Variants in UBR4 observed in about 807,000 individuals in gnomAD.
UBR4 encodes the protein E3 ubiquitin-protein ligase UBR4.
Under a neutral mutation model 575.6 loss-of-function variants are expected in UBR4, and 124 were observed. The ratio of observed to expected loss-of-function variants is 0.22; its 90% CI spans 0.19 to 0.25. The LOEUF (loss-of-function observed/expected upper bound fraction) is 0.25, where lower values mean the gene tolerates loss of function less well. Among genes scored for constraint, UBR4 ranks in the 10% least tolerant of loss-of-function variants. The pLI, the probability that UBR4 is intolerant of heterozygous loss-of-function variation, is 1.00. For missense variants in UBR4, 4,818 were observed against 6,478.8 expected, an observed-to-expected ratio of 0.74 and a Z score of 8.80; for synonymous variants, 2,455 against 2,473.7, an observed-to-expected ratio of 0.99 and a Z score of 0.22.
intron 98 of UBR4, 24 bp from the exon 99 acceptor site, chr1:19,087,953 G>A (rs1158623751): frequency 1.3e-6 from 2 of 1,571,086 alleles, no homozygotes; most frequent in Non-Finnish European, 1.7e-6. Context: ...CCGGTGGCAT[G>A]TCAAGGGGAT....
chr1:19,181,922 CA>C (rs2091006472), intron 17 of UBR4, among the ~76,000 whole-genome samples: 1 of 152,112 alleles, frequency 6.6e-6, no homozygotes, highest in Non-Finnish European at 1.5e-5. Context: ...TTCATCTCTC[CA>C]AACTGAAACA....
rs749993207 is a variant in UBR4, at chr1:19,186,530, C to T, written c.1750+10G>A. 1.2e-5 allele frequency: 19 copies of T among 1,610,370 alleles called. No homozygotes were observed. The highest frequency in any genetic ancestry group is 6.7e-5 in the Admixed American group (4 of 59,944). On this transcript the variant is annotated intron_variant, in intron 14 of 105. Transcript: ENST00000375254. ...CTTATCTCTGGGAGAGAGAAAAGAG[C>T]GGCCTCTACCTTGGCTGCTGTCCTC...
In UBR4 at chr1:19,183,816, G is replaced by C. The variant is rs1364650224; in HGVS notation, c.2179C>G (p.Leu727Val). Residue 727 changes from leucine (L) to valine (V), a missense_variant, in exon 17 of 106, where the codon CTG becomes GTG. Physicochemically the swap from Leu to Val is conservative, Grantham distance 32. Transcript: ENST00000375254. Reference sequence around the variant, plus strand: ...TGGTCACAGCACACACAAACCTGCAGGTTAGGTGACTGAAGGTCAGAGGTT... The same window carrying C: ...TGGTCACAGCACACACAAACCTGCACGTTAGGTGACTGAAGGTCAGAGGTT... Reference protein sequence around the residue: ...LVTSDLQSPNLQNTLLQQLGV... With the variant: ...LVTSDLQSPNVQNTLLQQLGV... The C allele has an allele frequency of 6.2e-7, 1 of 1,614,114 alleles. No homozygotes were observed. Among genetic ancestry groups the C allele is most frequent in the Non-Finnish European group, 8.5e-7 (1 of 1,179,996 alleles).
intron 25 of UBR4, 137 bp downstream of exon 25, chr1:19,172,727 C>A: frequency 1.3e-6 from 1 of 794,308 alleles, no homozygotes; most frequent in Non-Finnish European, 2.0e-6. Flanking sequence ...CCCCTTCATA[C>A]TAGAGAAGAA....
Position 19,121,270 on chromosome 1 carries a change from C to G in UBR4, c.10060G>C (p.Ala3354Pro), listed in dbSNP as rs777845176. The change falls in exon 68 of 106, where the codon GCC (alanine) becomes CCC (proline). Residue 3354 changes from alanine (A) to proline (P), a missense_variant. Around this residue, in one of 29 missense-constraint regions of UBR4, gnomAD observed 550 missense variants for 791.5 expected, o/e 0.69. Coordinates refer to ENST00000375254, the MANE Select transcript of UBR4 (RefSeq NM_020765.3). ...SASSSSAPVA[A>P]SSGQATTQSK... is the part of the protein sequence containing the mutation. ...TGTGTTGTGGCTTGTCCAGAACTGGCAGCCACAGGGGCTGAGGAGGAAGAA... is the reference window on the plus strand; with the variant it reads ...TGTGTTGTGGCTTGTCCAGAACTGGGAGCCACAGGGGCTGAGGAGGAAGAA... 1.2e-6 allele frequency: 2 copies of G among 1,614,114 alleles called. No homozygotes were observed. The highest frequency in any genetic ancestry group is 2.2e-5 in the South Asian group (2 of 91,084).
intron 3 of UBR4, 90 bp downstream of exon 3, chr1:19,199,560 AC>A: frequency 1.0e-5 from 12 of 1,156,776 alleles, no homozygotes; most frequent in Non-Finnish European, 1.4e-5. Flanking sequence ...CTGGCCTATT[AC>A]AGAAAAAGTT....
intron 91 of UBR4, 97 bp from the exon 92 acceptor site, chr1:19,096,747 G>A: frequency 6.7e-7 from 1 of 1,502,290 alleles, no homozygotes; most frequent in Non-Finnish European, 8.9e-7. Context: ...GCTGATGGCT[G>A]ACAGCCCTTT....
intron 53 of UBR4, among the ~76,000 whole-genome samples, chr1:19,145,466 C>A (rs571387202): frequency 4.1e-5 from 6 of 145,676 alleles, no homozygotes; most frequent in Admixed American, 2.2e-4. Flanking sequence ...TGGCTTTAAG[C>A]CAAGTTGTCA....
At chr1:19,168,247 G>A (rs2088848406) in intron 27 of UBR4, 63 bp from the exon 28 acceptor site, 4 of 1,446,604 alleles carry the variant, frequency 2.8e-6, no homozygotes, top group Admixed American at 4.7e-5. Flanking sequence ...ATTCTCACAT[G>A]GAAAAAAAAA....
chr1:19,179,334 A>C (rs1038123513), intron 17 of UBR4, 114 bp from the exon 18 acceptor site: 11 of 1,137,650 alleles, frequency 9.7e-6, no homozygotes, highest in Non-Finnish European at 1.3e-5. Flanking sequence ...TATTTTAAAG[A>C]AAGAAGGACC....
In UBR4 at chr1:19,200,268, TAAAAAAAAAAAGGCA is replaced by T. The variant is rs1318253074; in HGVS notation, c.275-529_275-515del. On this transcript the variant is annotated intron_variant, in intron 2 of 105. Transcript: ENST00000375254. Reference sequence around the variant, plus strand: ...AACAGTAACAATAGCTGATGAGCTTTAAAAAAAAAAAGGCAAAAAAAAAAATCTCATAATGTTTTA... The same window carrying T: ...AACAGTAACAATAGCTGATGAGCTTTAAAAAAAAAATCTCATAATGTTTTA... Among the ~76,000 whole-genome samples the T allele has an allele frequency of 1.0e-4, 14 of 135,240 alleles. No homozygotes were observed. In the Admixed American group the frequency reaches 1.1e-3, roughly 11 times the overall value. 88.7% of individuals were successfully genotyped at this position (135,240 alleles called of 152,430 possible).
chr1:19,154,087 T>C lies in UBR4; in HGVS notation c.6459-148A>G, dbSNP rs544286163. On this transcript the variant is annotated intron_variant, in intron 44 of 105. Transcript: ENST00000375254. The stretch of plus-strand genomic sequence containing the variant: ...TCAGATTATCCACAGGTTAGTTTTA[T>C]TCCAAGCCATGCACACATGCTCATA... 27 of 889,318 alleles carry C rather than the reference T, an allele frequency of 3.0e-5. No homozygotes were observed. In the East Asian group the frequency reaches 7.2e-4, roughly 24 times the overall value. 55.1% of individuals were successfully genotyped at this position (889,318 alleles called of 1,614,324 possible). A position where few individuals can be genotyped will look rare whatever the true frequency, so the allele number is the denominator to read the frequency against.
chr1:19,160,764 G>A (rs1285516595), intron 38 of UBR4, among the ~76,000 whole-genome samples, 153 bp downstream of exon 38: 2 of 152,020 alleles, frequency 1.3e-5, no homozygotes, highest in Non-Finnish European at 2.9e-5. Context: ...TCCTTCCCTC[G>A]TGACGACAAT....
At chr1:19,150,500 C>T in intron 49 of UBR4, 77 bp downstream of exon 49, 1 of 1,495,014 alleles carries the variant, frequency 6.7e-7, no homozygotes, top group Non-Finnish European at 9.2e-7. Context: ...TAGAAGCTGG[C>T]TCTCTCAAGA....
intron 38 of UBR4, 83 bp downstream of exon 38, chr1:19,160,834 A>C: frequency 7.7e-7 from 1 of 1,293,092 alleles, no homozygotes; most frequent in African/African-American, 1.5e-5. Flanking sequence ...TTGCAAGGGG[A>C]GCCATGTGCA....
At chr1:19,118,586 A>C in intron 71 of UBR4, 1 of 332,454 alleles carries the variant, frequency 3.0e-6, no homozygotes, top group Non-Finnish European at 5.5e-6. Context: ...ACGCCTGGCT[A>C]ACTTTTTTAA....
chr1:19,182,118 A>G (rs968137504), intron 17 of UBR4, among the ~76,000 whole-genome samples: 1 of 152,220 alleles, frequency 6.6e-6, no homozygotes, highest in Non-Finnish European at 1.5e-5. Flanking sequence ...TCCATGTTGT[A>G]GCATGTGTCA....
At chr1:19,196,533 A>G (rs145597227) in intron 8 of UBR4, among the ~76,000 whole-genome samples, 2 of 152,362 alleles carry the variant, frequency 1.3e-5, no homozygotes, top group African/African-American at 4.8e-5. Context: ...CCTTTTAACA[A>G]TAACTTAAAA....
chr1:19,177,164 C>T (rs1037016907), intron 19 of UBR4, among the ~76,000 whole-genome samples: 3 of 152,152 alleles, frequency 2.0e-5, no homozygotes, highest in South Asian at 2.1e-4. Context: ...CATCAAGGGC[C>T]GATGCTCAGG....
Sources: allele counts gnomAD v4.1 joint callset (sites outside exome capture counted in the v4.1 genomes callset), GRCh38; gene constraint gnomAD v4.1.1; regional missense constraint gnomAD v4.1.1; transcripts MANE v1.5; gene names NCBI Gene and HGNC (gene_info 2026-07-23, HGNC 2026-07-21).